PSMD14: variants seen among roughly 807,000 people sequenced by gnomAD.
PSMD14 encodes the protein proteasome 26S subunit, non-ATPase 14.
In PSMD14, 7 loss-of-function variants were observed where a neutral mutation model predicts 41.2. That is an observed-to-expected ratio of 0.17 (90% CI 0.10 to 0.32). The LOEUF is 0.32. Ranked by LOEUF, PSMD14 falls within the 10% of genes least tolerant of loss-of-function variation. PSMD14 has a pLI of 1.00. For synonymous variants in PSMD14, 114 were observed against 122.3 expected (o/e 0.93, Z 0.45); for missense variants, 139 against 375.6 (o/e 0.37, Z 5.21).
intron 7 of PSMD14, among the ~76,000 whole-genome samples, chr2:161,379,017 G>A (rs1415059212): frequency 6.6e-6 from 1 of 151,996 alleles, no homozygotes; most frequent in Non-Finnish European, 1.5e-5. Context: ...TGGTGTTACA[G>A]CACAAGCAAT....
At chr2:161,391,969 G>T (rs1469505196) in intron 9 of PSMD14, among the ~76,000 whole-genome samples, 3 of 152,110 alleles carry the variant, frequency 2.0e-5, no homozygotes, top group African/African-American at 7.2e-5. Flanking sequence ...AACAGTTTTA[G>T]GGTTTTCAGA....
intron 7 of PSMD14, among the ~76,000 whole-genome samples, chr2:161,379,673 A>G (rs1461599734): frequency 6.6e-6 from 1 of 152,036 alleles, no homozygotes; most frequent in Non-Finnish European, 1.5e-5. Flanking sequence ...GAAATTAGAC[A>G]TGCAAGAGAT....
chr2:161,351,570 G>C (rs1182303791), intron 3 of PSMD14, among the ~76,000 whole-genome samples: 2 of 152,086 alleles, frequency 1.3e-5, no homozygotes, highest in African/African-American at 2.4e-5. Flanking sequence ...TTTCTTTCTA[G>C]ACTGCTTAAA....
intron 7 of PSMD14, chr2:161,384,638 G>A (rs1449818838): frequency 6.6e-6 from 1 of 151,702 alleles, no homozygotes; most frequent in Non-Finnish European, 1.5e-5. Context: ...CTGTCTTAAA[G>A]TCACATGACT....
In PSMD14 at chr2:161,367,769, TCTTC is replaced by T. The variant is rs777299684; in HGVS notation, c.121-11_121-8del. 10 of 1,611,986 alleles carry T rather than the reference TCTTC, an allele frequency of 6.2e-6. No individual in the cohort carries two copies. Among genetic ancestry groups the T allele is most frequent in the African/African-American group, 5.3e-5 (4 of 74,892 alleles). The stretch of plus-strand genomic sequence containing the variant: ...ACGAAATTTGCTTTGTGTCCACATC[TCTTC>T]CTTTCTACAGATGTTAAAACATGGC... On this transcript the variant is annotated splice_polypyrimidine_tract_variant and intron_variant, in intron 4 of 11. Transcript: ENST00000409682.
intron 3 of PSMD14, among the ~76,000 whole-genome samples, chr2:161,354,825 A>G (rs929949146): frequency 1.3e-5 from 2 of 152,196 alleles, no homozygotes; most frequent in African/African-American, 4.8e-5. Context: ...GGGTCTCTTT[A>G]TAACCAGATA....
chr2:161,376,639 T>C (rs2105260405), intron 7 of PSMD14, among the ~76,000 whole-genome samples: 1 of 152,088 alleles, frequency 6.6e-6, no homozygotes, highest in South Asian at 2.1e-4. Flanking sequence ...TTTTCTAAGA[T>C]ATTTTCCTTG....
At chr2:161,327,946 C>CTGTGTGTGTGTG (rs369674882) in intron 3 of PSMD14, among the ~76,000 whole-genome samples, 15,924 of 116,748 alleles carry the variant, frequency 0.14, 1,575 homozygotes, top group Non-Finnish European at 0.18. Context: ...CTCATGTAAG[C>CTGTGTGTGTGTG]TGTGTGTGTG....
chr2:161,385,170 C>A, intron 7 of PSMD14: 1 of 184,092 alleles, frequency 5.4e-6, no homozygotes, highest in Admixed American at 6.1e-5. Flanking sequence ...CCAGTGAAAG[C>A]TGTTTGGTGT....
intron 10 of PSMD14, among the ~76,000 whole-genome samples, chr2:161,402,154 T>A (rs1396538672): frequency 6.6e-6 from 1 of 152,240 alleles, no homozygotes; most frequent in Non-Finnish European, 1.5e-5. Flanking sequence ...TTCCACTGCC[T>A]TACCTCTTAA....
At position 161,341,096 on chromosome 2, in the gene PSMD14, G is replaced by A. The variant is rs1668276662; in HGVS notation, c.48+22223G>A. ...GCTCCCCGAGCTCCCCCAGCCCCGC[G>A]GGCTCTCCAGGCTCCTCCGGCCCCG... On this transcript the variant is annotated intron_variant, in intron 3 of 11. Coordinates refer to ENST00000409682, the MANE Select transcript of PSMD14 (RefSeq NM_005805.6). 15 of 1,507,150 alleles carry A rather than the reference G, an allele frequency of 1.0e-5. No individual in the cohort carries two copies. The East Asian group carries it at 3.0e-4, about 30-fold the overall frequency. 93.4% of individuals were successfully genotyped at this position (1,507,150 alleles called of 1,614,324 possible).
At position 161,408,742 on chromosome 2, in the gene PSMD14, T is replaced by A. The variant is rs918474013; in HGVS notation, c.772-95T>A. The A allele has an allele frequency of 3.4e-6, 3 of 879,398 alleles. No individual in the cohort carries two copies. The African/African-American group carries it at 5.1e-5, about 15-fold the overall frequency. The allele number at this position is 879,398 out of a possible 1,614,324, so 54.5% of individuals were successfully genotyped here. A position where few individuals can be genotyped will look rare whatever the true frequency, so the allele number is the denominator to read the frequency against. ...ATTATTTGAATAAAAGTTGTATGAA[T>A]GAAAATTCTGGTCATCATTATTTTT... On this transcript the variant is annotated intron_variant, in intron 10 of 11. Coordinates refer to ENST00000409682, the MANE Select transcript of PSMD14 (RefSeq NM_005805.6).
intron 8 of PSMD14, among the ~76,000 whole-genome samples, chr2:161,389,912 T>TTTTTTTTTTTTA (rs1299369817): frequency 3.1e-5 from 4 of 130,292 alleles, no homozygotes; most frequent in Admixed American, 1.5e-4. Context: ...TTTTTTTTTT[T>TTTTTTTTTTTTA]AGAGATGGGG....
At chr2:161,377,594 T>G (rs1433978564) in intron 7 of PSMD14, among the ~76,000 whole-genome samples, 1 of 151,852 alleles carries the variant, frequency 6.6e-6, no homozygotes. Flanking sequence ...AGAGCATAAG[T>G]CGTATATAGA....
intron 3 of PSMD14, 135 bp from the exon 4 acceptor site, chr2:161,367,343 T>C (rs950882563): frequency 1.5e-6 from 1 of 672,224 alleles, no homozygotes; most frequent in African/African-American, 1.8e-5. Flanking sequence ...GATTATGTCA[T>C]AGCCAAATAA....
At chr2:161,322,821 T>C (rs1473152408) in intron 3 of PSMD14, among the ~76,000 whole-genome samples, 4 of 152,212 alleles carry the variant, frequency 2.6e-5, no homozygotes, top group African/African-American at 9.6e-5. Context: ...GGAGTTGTAG[T>C]AGGGCTAGTA....
At chr2:161,338,424 T>C (rs1170255617) in intron 3 of PSMD14, among the ~76,000 whole-genome samples, 2 of 151,890 alleles carry the variant, frequency 1.3e-5, no homozygotes, top group Non-Finnish European at 2.9e-5. Context: ...ATTTTTGCCA[T>C]TGATAACCTG....
intron 3 of PSMD14, among the ~76,000 whole-genome samples, chr2:161,361,640 CA>C (rs1217808403): frequency 1.3e-5 from 2 of 151,868 alleles, no homozygotes; most frequent in African/African-American, 4.8e-5. Context: ...CATAAATGAA[CA>C]AATAGTAAAG....
chr2:161,350,590 ATGT>A (rs750974424), intron 3 of PSMD14, among the ~76,000 whole-genome samples: 4 of 152,216 alleles, frequency 2.6e-5, no homozygotes, highest in Non-Finnish European at 4.4e-5. Context: ...GAACCTTGTA[ATGT>A]TGTGTCTTGA....
Sources: allele counts gnomAD v4.1 joint callset (sites outside exome capture counted in the v4.1 genomes callset), GRCh38; gene constraint gnomAD v4.1.1; transcripts MANE v1.5; gene names NCBI Gene and HGNC (gene_info 2026-07-23, HGNC 2026-07-21).